The following CBLB variants were observed in gnomAD, a reference collection of about 807,000 sequenced individuals.
CBLB encodes the protein E3 ubiquitin-protein ligase CBL-B.
A neutral mutation model predicts 104.9 loss-of-function variants in CBLB; 31 were observed. That is an observed-to-expected ratio of 0.30 (90% CI 0.22 to 0.40). CBLB has a LOEUF of 0.40. CBLB is among the 10% of genes least tolerant of loss of function. CBLB has a pLI of 1.00. For missense variants in CBLB, 1,062 were observed against 1,214.6 expected (o/e 0.87, Z 1.87); for synonymous variants, 440 against 422.6 (o/e 1.04, Z -0.51).
intron 5 of CBLB, 140 bp downstream of exon 5, chr3:105,751,322 G>T (rs966446021): frequency 1.4e-6 from 1 of 726,498 alleles, no homozygotes; most frequent in Non-Finnish European, 2.4e-6. Flanking sequence ...TAAAATTACA[G>T]ACTAATAGGA....
At chr3:105,780,181 T>C (rs62261535) in intron 3 of CBLB, among the ~76,000 whole-genome samples, 1 of 151,962 alleles carries the variant, frequency 6.6e-6, no homozygotes, top group Non-Finnish European at 1.5e-5. Context: ...AAAAAAACTT[T>C]CAATTTTGAA....
chr3:105,719,142 G>A (rs1014160174), intron 10 of CBLB, among the ~76,000 whole-genome samples: 1 of 152,176 alleles, frequency 6.6e-6, no homozygotes, highest in African/African-American at 2.4e-5. Context: ...CAGTGAGACA[G>A]CCTTCCCATT....
At chr3:105,801,039 T>G (rs1274701676) in intron 3 of CBLB, among the ~76,000 whole-genome samples, 1 of 152,206 alleles carries the variant, frequency 6.6e-6, no homozygotes, top group Non-Finnish European at 1.5e-5. Flanking sequence ...ACTTAAAACA[T>G]GTTTCTTAAA....
chr3:105,740,543 G>A lies in CBLB; in HGVS notation c.934C>T (p.His312Tyr). The change falls in exon 7 of 19, where the codon CAT becomes TAT. Residue 312 changes from histidine (H) to tyrosine (Y), a missense_variant. His to Tyr is a moderately conservative substitution (Grantham distance 83). This residue lies in a region of CBLB where 457 missense variants were observed against 632.0 expected (regional missense o/e 0.72). Transcript: ENST00000394030. ...GDGNILQTIPHNKPLFQALID... is the reference protein window; with the variant it reads ...GDGNILQTIPYNKPLFQALID... ...AGGGCTTGAAATAAGGGCTTGTTAT[G>A]AGGTATGGTCTGTAAGATATTCCCA... The A allele has an allele frequency of 6.2e-7, 1 of 1,613,976 alleles. No homozygotes were observed. The highest frequency in any genetic ancestry group is 8.5e-7 in the Non-Finnish European group (1 of 1,179,904).
rs117231390 is a variant in CBLB at position 105,707,908 on chromosome 3, C to A, written c.1408-3735G>T. 1.9e-4 allele frequency among the ~76,000 whole-genome samples: 29 copies of A among 151,994 alleles called. No homozygotes were observed. In the East Asian group the frequency reaches 5.4e-3, roughly 28 times the overall value. Reference sequence around the variant, plus strand: ...TTCAATGTAGACCAAAATTATTTCTCCTTTAAAAGACAATGCTGTCTTTTT... The same window carrying A: ...TTCAATGTAGACCAAAATTATTTCTACTTTAAAAGACAATGCTGTCTTTTT... On this transcript the variant is annotated intron_variant, in intron 10 of 18. Transcript: ENST00000394030.
intron 4 of CBLB, among the ~76,000 whole-genome samples, chr3:105,757,893 A>G (rs2077226623): frequency 6.6e-6 from 1 of 152,208 alleles, no homozygotes; most frequent in African/African-American, 2.4e-5. Context: ...ATTTTATGTA[A>G]ATGTTGTCAG....
At position 105,740,566 on chromosome 3, in the gene CBLB, C is replaced by T. The variant is rs1341041160; in HGVS notation, c.911G>A (p.Gly304Glu). The change falls in exon 7 of 19, where the codon GGG (glycine) becomes GAG (glutamate). Residue 304 changes from glycine (G) to glutamate (E), a missense_variant. Physicochemically the swap from Gly to Glu is moderately conservative, Grantham distance 98. Around this residue, in one of 2 missense-constraint regions of CBLB, gnomAD observed 457 missense variants for 632.0 expected, o/e 0.72. Transcript: ENST00000394030. ...ATGAGGTATGGTCTGTAAGATATTC[C>T]CATCCCCAGTCACATAGCCAATGGC... ...QWAIGYVTGDGNILQTIPHNK... is the reference protein window; with the variant it reads ...QWAIGYVTGDENILQTIPHNK... The T allele has an allele frequency of 6.2e-7, 1 of 1,613,948 alleles. No individual in the cohort carries two copies. The highest frequency in any genetic ancestry group is 8.5e-7 in the Non-Finnish European group (1 of 1,179,896).
At chr3:105,692,031 T>A (rs927593505) in intron 13 of CBLB, among the ~76,000 whole-genome samples, 4 of 152,198 alleles carry the variant, frequency 2.6e-5, no homozygotes, top group African/African-American at 9.7e-5. Context: ...ATTAATGTTA[T>A]TTTCTAAAGT....
At chr3:105,691,128 TTATA>T (rs1358169331) in intron 13 of CBLB, among the ~76,000 whole-genome samples, 1 of 152,206 alleles carries the variant, frequency 6.6e-6, no homozygotes, top group East Asian at 1.9e-4. Flanking sequence ...TTTCTTTCTC[TTATA>T]TACTTTGCAT....
Position 105,678,462 on chromosome 3 carries a change from G to A in CBLB, c.2538C>T (p.Ser846=). The change falls in exon 17 of 19, where the codon TCC becomes TCT. Residue 846 remains serine, a synonymous_variant. Coordinates refer to ENST00000394030, the MANE Select transcript of CBLB (RefSeq NM_170662.5). The stretch of plus-strand genomic sequence containing the variant: ...GAAGAAGAAAAAGATCCTGTCCTGA[G>A]GATGGCCGGCTACTGGAGCCAGGAG... The part of the protein sequence containing the change: ...SKPPGSSSRP[S]SGQDLFLLPS... 6.2e-7 allele frequency: 1 copy of A among 1,614,034 alleles called. No homozygotes were observed.
intron 2 of CBLB, among the ~76,000 whole-genome samples, chr3:105,863,456 G>A (rs1029738600): frequency 1.3e-5 from 2 of 152,168 alleles, no homozygotes; most frequent in Admixed American, 6.5e-5. Context: ...CTGGTTTTAA[G>A]GCTCTAGGAA....
chr3:105,835,419 A>T (rs2088313690), intron 3 of CBLB, among the ~76,000 whole-genome samples: 1 of 152,220 alleles, frequency 6.6e-6, no homozygotes. Flanking sequence ...TTTAGTAGGA[A>T]GGAGAAGGGA....
Position 105,843,732 on chromosome 3 carries a change from GA to G in CBLB, c.419+9681del, listed in dbSNP as rs375144557. The stretch of plus-strand genomic sequence containing the variant: ...TAAATTAACCATGCATTACACACCT[GA>G]AAAAAACTTATTTCAGCTACAGACC... On this transcript the variant is annotated intron_variant, in intron 3 of 18. Transcript: ENST00000394030. 6.9e-3 allele frequency among the ~76,000 whole-genome samples: 1,056 copies of G among 152,104 alleles called. 11 individuals carry two copies. Among genetic ancestry groups the G allele is most frequent in the African/African-American group, 0.024 (1,013 of 41,486 alleles).
At chr3:105,773,297 A>T (rs191910945) in intron 4 of CBLB, among the ~76,000 whole-genome samples, 69 of 152,302 alleles carry the variant, frequency 4.5e-4, no homozygotes, top group Non-Finnish European at 9.3e-4. Context: ...TAGAAAACCA[A>T]ATATCGTATG....
Position 105,740,635 on chromosome 3 carries a change from C to T in CBLB, c.846-4G>A. 3 of 1,612,350 alleles carry T rather than the reference C, an allele frequency of 1.9e-6. No individual in the cohort carries two copies. The highest frequency in any genetic ancestry group is 1.7e-6 in the Non-Finnish European group (2 of 1,178,524). Reference sequence around the variant, plus strand: ...GCAACTTAACCGGAAAATATAGCTGCAAAACATAAGAAAATTACATCTAAT... The same window carrying T: ...GCAACTTAACCGGAAAATATAGCTGTAAAACATAAGAAAATTACATCTAAT... On this transcript the variant is annotated splice_region_variant and splice_polypyrimidine_tract_variant and intron_variant, in intron 6 of 18. Coordinates refer to ENST00000394030, the MANE Select transcript of CBLB (RefSeq NM_170662.5).
At chr3:105,735,802 C>T (rs571926012) in intron 8 of CBLB, among the ~76,000 whole-genome samples, 2 of 152,082 alleles carry the variant, frequency 1.3e-5, no homozygotes, top group Admixed American at 6.5e-5. Flanking sequence ...AAAAATTAGC[C>T]GGAAGTGGTG....
chr3:105,772,080 G>A (rs1182987326), intron 4 of CBLB, among the ~76,000 whole-genome samples: 3 of 151,946 alleles, frequency 2.0e-5, no homozygotes, highest in Non-Finnish European at 2.9e-5. Flanking sequence ...AATACTAAGC[G>A]AAAAGAACAA....
intron 9 of CBLB, among the ~76,000 whole-genome samples, chr3:105,732,877 CTT>C (rs2074471511): frequency 1.3e-5 from 2 of 152,196 alleles, no homozygotes; most frequent in South Asian, 4.2e-4. Context: ...CACCGAAAAT[CTT>C]TTTTAAAGAC....
intron 4 of CBLB, among the ~76,000 whole-genome samples, chr3:105,772,935 G>C (rs1315172422): frequency 6.6e-6 from 1 of 152,182 alleles, no homozygotes; most frequent in Non-Finnish European, 1.5e-5. Context: ...TACATTGCTG[G>C]TGGGAGTATG....
Sources: allele counts gnomAD v4.1 joint callset (sites outside exome capture counted in the v4.1 genomes callset), GRCh38; gene constraint gnomAD v4.1.1; regional missense constraint gnomAD v4.1.1; transcripts MANE v1.5; gene names NCBI Gene and HGNC (gene_info 2026-07-23, HGNC 2026-07-21).